KCNK2: variants seen among roughly 807,000 people sequenced by gnomAD.
KCNK2 encodes potassium channel subfamily K member 2.
KCNK2 carries 21 observed loss-of-function variants against 40.5 expected under a neutral mutation model. The ratio of observed to expected loss-of-function variants is 0.52; its 90% CI spans 0.37 to 0.75. KCNK2 has a LOEUF of 0.75. Among genes scored for constraint, KCNK2 ranks in the 30% least tolerant of loss-of-function variants. KCNK2 has a pLI of 0.00. For missense variants in KCNK2, 399 were observed against 531.6 expected (o/e 0.75, Z 2.45); for synonymous variants, 191 against 202.2 (o/e 0.94, Z 0.47).
chr1:215,169,948 AT>A lies in KCNK2; in HGVS notation c.636+592del, dbSNP rs1349489953. Among the ~76,000 whole-genome samples, 5 of 152,162 alleles carry A rather than the reference AT, an allele frequency of 3.3e-5. No homozygotes were observed. The East Asian group carries it at 9.7e-4, about 29-fold the overall frequency. On this transcript the variant is annotated intron_variant, in intron 4 of 6. Coordinates refer to ENST00000444842, the MANE Select transcript of KCNK2 (RefSeq NM_001017425.3). ...GGCTTGAGCCACCGTGCCCAGCCAGATTTAAATTTCATATGTAGTGTCTCCC... is the reference window on the plus strand; with the variant it reads ...GGCTTGAGCCACCGTGCCCAGCCAGATTAAATTTCATATGTAGTGTCTCCC...
chr1:215,145,877 A>G (rs1258602251), intron 3 of KCNK2, among the ~76,000 whole-genome samples: 1 of 152,152 alleles, frequency 6.6e-6, no homozygotes, highest in African/African-American at 2.4e-5. Flanking sequence ...CCTTAATGCT[A>G]CAGAATTATT....
intron 1 of KCNK2, among the ~76,000 whole-genome samples, chr1:215,073,256 C>G (rs76793973): frequency 2.9e-4 from 44 of 152,246 alleles, no homozygotes; most frequent in African/African-American, 1.0e-3. Context: ...ACTTCTACTC[C>G]GCAGACCACA....
chr1:215,019,549 A>C (rs1443577821), intron 1 of KCNK2, among the ~76,000 whole-genome samples: 2 of 152,218 alleles, frequency 1.3e-5, no homozygotes, highest in Non-Finnish European at 2.9e-5. Context: ...ATGGTTGTTA[A>C]ATATTTAAAA....
intron 1 of KCNK2, among the ~76,000 whole-genome samples, chr1:215,039,515 A>C (rs1317374576): frequency 6.6e-6 from 1 of 152,156 alleles, no homozygotes; most frequent in Non-Finnish European, 1.5e-5. Flanking sequence ...TATTGAAGAG[A>C]AGTAACTTGA....
At chr1:215,079,363 A>G (rs192878617), upstream of KCNK2, among the ~76,000 whole-genome samples, 37 of 152,280 alleles carry the variant, frequency 2.4e-4, no homozygotes, top group East Asian at 7.1e-3. Context: ...GAAAGACCTC[A>G]GGAAACTTAC....
intron 1 of KCNK2, among the ~76,000 whole-genome samples, chr1:215,045,506 C>A (rs1334587879): frequency 1.3e-5 from 2 of 152,092 alleles, no homozygotes; most frequent in Non-Finnish European, 2.9e-5. Context: ...CGAAAGATGA[C>A]CTTGTAATAT....
chr1:215,100,518 G>A (rs1660162447), intron 2 of KCNK2, among the ~76,000 whole-genome samples: 1 of 151,916 alleles, frequency 6.6e-6, no homozygotes, highest in South Asian at 2.1e-4. Context: ...TGGAGGTCTT[G>A]TTAACCTTTA....
Position 215,083,194 on chromosome 1 carries a change from T to TCCC in KCNK2, c.-185_-183dup. 23 of 501,808 alleles carry TCCC rather than the reference T, an allele frequency of 4.6e-5. 1 individual carries two copies. The highest frequency in any genetic ancestry group is 1.2e-4 in the South Asian group (6 of 49,322). The allele number at this position is 501,808 out of a possible 1,614,324, so 31.1% of individuals were successfully genotyped here. ...CCCGCGATTTCGTTTCTTCTCACGC[T>TCCC]CCCCCCCCCGCCCCCTCCCGCGTCC... On this transcript the variant is annotated 5_prime_UTR_variant, in exon 1 of 7. Coordinates refer to ENST00000444842, the MANE Select transcript of KCNK2 (RefSeq NM_001017425.3).
chr1:215,197,555 T>G (rs751591669), intron 6 of KCNK2, among the ~76,000 whole-genome samples: 2 of 152,144 alleles, frequency 1.3e-5, no homozygotes, highest in Non-Finnish European at 2.9e-5. Context: ...TTGACCTCAT[T>G]GAACCTTAAT....
chr1:215,097,303 C>T (rs1197541334), intron 2 of KCNK2, among the ~76,000 whole-genome samples: 3 of 151,746 alleles, frequency 2.0e-5, no homozygotes, highest in Non-Finnish European at 4.4e-5. Context: ...CATGGTTTTG[C>T]TCTCAGGTTA....
intron 1 of KCNK2, among the ~76,000 whole-genome samples, chr1:215,086,030 C>G (rs1312554459): frequency 6.6e-6 from 1 of 152,170 alleles, no homozygotes; most frequent in Non-Finnish European, 1.5e-5. Flanking sequence ...TTCAGTATCT[C>G]TTTGTGGACC....
chr1:215,212,564 G>A (rs1665786177), intron 6 of KCNK2, among the ~76,000 whole-genome samples: 1 of 152,266 alleles, frequency 6.6e-6, no homozygotes, highest in Non-Finnish European at 1.5e-5. Flanking sequence ...TAGAGAAAGT[G>A]TGTTCTTAAC....
chr1:215,170,557 T>C (rs1571691027), intron 4 of KCNK2, among the ~76,000 whole-genome samples: 1 of 152,290 alleles, frequency 6.6e-6, no homozygotes, highest in East Asian at 1.9e-4. Flanking sequence ...ACTCTACTGA[T>C]GAAATAAAAT....
intron 6 of KCNK2, among the ~76,000 whole-genome samples, chr1:215,213,424 C>A (rs1205242001): frequency 6.6e-6 from 1 of 152,118 alleles, no homozygotes; most frequent in African/African-American, 2.4e-5. Flanking sequence ...GCCTTGCCAA[C>A]ATGGTGAAAA....
intron 2 of KCNK2, among the ~76,000 whole-genome samples, chr1:215,110,292 C>G (rs146477676): frequency 3.5e-4 from 53 of 152,128 alleles, no homozygotes; most frequent in African/African-American, 1.3e-3. Flanking sequence ...TTGCCTCGAT[C>G]AATGTCTTGA....
intron 2 of KCNK2, among the ~76,000 whole-genome samples, chr1:215,090,245 C>G (rs1659636596): frequency 6.6e-6 from 1 of 152,168 alleles, no homozygotes; most frequent in Non-Finnish European, 1.5e-5. Context: ...CTCTCTTAAA[C>G]CACCGTAATA....
At chr1:215,018,403 C>G (rs1034657087) in intron 1 of KCNK2, among the ~76,000 whole-genome samples, 5 of 152,228 alleles carry the variant, frequency 3.3e-5, no homozygotes, top group Admixed American at 2.0e-4. Context: ...GTGATTGGTT[C>G]CTGCCTATCA....
intron 3 of KCNK2, among the ~76,000 whole-genome samples, chr1:215,131,051 G>T (rs917821404): frequency 6.6e-6 from 1 of 150,710 alleles, no homozygotes; most frequent in Non-Finnish European, 1.5e-5. Flanking sequence ...TAGTAGAGAC[G>T]GGGTTTCACC....
rs535618499 is a variant in KCNK2, at chr1:215,056,444, G to T, written c.35-29924G>T. 6.5e-5 allele frequency among the ~76,000 whole-genome samples: 9 copies of T among 138,784 alleles called. No homozygotes were observed. The South Asian group carries it at 2.0e-3, about 31-fold the overall frequency. 91.0% of individuals were successfully genotyped at this position (138,784 alleles called of 152,430 possible). A position where few individuals can be genotyped will look rare whatever the true frequency, so the allele number is the denominator to read the frequency against. Reference sequence around the variant, plus strand: ...ATACATAAACTGGGAGATGGAGGTTGCAGGGAGCCAAGATTGTACCACTAT... The same window carrying T: ...ATACATAAACTGGGAGATGGAGGTTTCAGGGAGCCAAGATTGTACCACTAT... On this transcript the variant is annotated intron_variant, in intron 1 of 6. Transcript: ENST00000391895.
Sources: gnomAD v4.1 joint callset for allele counts (sites outside exome capture counted in the v4.1 genomes callset) on GRCh38, gnomAD v4.1.1 for gene constraint, MANE v1.5 for transcripts, NCBI Gene and HGNC (gene_info 2026-07-23, HGNC 2026-07-21) for gene names.